GRK3: variants seen among roughly 807,000 people sequenced by gnomAD.
GRK3 encodes G protein-coupled receptor kinase 3.
In GRK3, 54 loss-of-function variants were observed where a neutral mutation model predicts 95.7. The observed-to-expected ratio is 0.56, with a 90% CI of 0.45 to 0.71. The LOEUF is 0.71. Ranked by LOEUF, GRK3 falls within the 30% of genes least tolerant of loss-of-function variation. The pLI, the probability that GRK3 is intolerant of heterozygous loss-of-function variation, is 0.00. For synonymous variants in GRK3, 281 were observed against 290.8 expected, an observed-to-expected ratio of 0.97 and a Z score of 0.34; for missense variants, 649 against 851.2, an observed-to-expected ratio of 0.76 and a Z score of 2.96.
At chr22:25,594,339 C>G (rs1283405483) in intron 1 of GRK3, among the ~76,000 whole-genome samples, 1 of 152,090 alleles carries the variant, frequency 6.6e-6, no homozygotes, top group Non-Finnish European at 1.5e-5. Context: ...GGACTCCTCC[C>G]TAACTCATTC....
At chr22:25,679,489 C>A (rs1480127869) in intron 9 of GRK3, among the ~76,000 whole-genome samples, 1 of 152,182 alleles carries the variant, frequency 6.6e-6, no homozygotes, top group East Asian at 1.9e-4. Context: ...TCATTTTTAG[C>A]TCAACATGTG....
At chr22:25,611,280 A>G (rs2084495522) in intron 2 of GRK3, among the ~76,000 whole-genome samples, 1 of 152,226 alleles carries the variant, frequency 6.6e-6, no homozygotes, top group African/African-American at 2.4e-5. Flanking sequence ...TGCTACCATA[A>G]ACATTTGTGT....
chr22:25,668,299 A>G (rs2084956232), intron 6 of GRK3, among the ~76,000 whole-genome samples: 1 of 152,240 alleles, frequency 6.6e-6, no homozygotes, highest in Non-Finnish European at 1.5e-5. Context: ...CTACTGGTCA[A>G]TTCTTCAGTT....
intron 11 of GRK3, among the ~76,000 whole-genome samples, chr22:25,689,699 A>C (rs1041286000): frequency 6.6e-6 from 1 of 152,200 alleles, no homozygotes; most frequent in Non-Finnish European, 1.5e-5. Context: ...TTAGTGTGGC[A>C]CTATGGAATA....
intron 3 of GRK3, among the ~76,000 whole-genome samples, chr22:25,659,785 G>A (rs985064197): frequency 1.8e-4 from 28 of 152,156 alleles, no homozygotes; most frequent in African/African-American, 6.8e-4. Flanking sequence ...TACCTTTTCT[G>A]TTGTCAAGTT....
chr22:25,707,350 T>G (rs2085307853), intron 15 of GRK3, among the ~76,000 whole-genome samples: 1 of 152,210 alleles, frequency 6.6e-6, no homozygotes, highest in African/African-American at 2.4e-5. Context: ...ATCACCGAAG[T>G]GTTTCCAGTA....
intron 2 of GRK3, among the ~76,000 whole-genome samples, chr22:25,610,214 A>G (rs2084486273): frequency 6.6e-6 from 1 of 152,142 alleles, no homozygotes; most frequent in African/African-American, 2.4e-5. Flanking sequence ...TGTAATCCCA[A>G]CACTTTGGAA....
chr22:25,716,920 A>G (rs2085390645), intron 18 of GRK3, among the ~76,000 whole-genome samples: 1 of 152,168 alleles, frequency 6.6e-6, no homozygotes, highest in African/African-American at 2.4e-5. Flanking sequence ...CCTATCATGA[A>G]CTGCGCACGT....
At position 25,646,206 on chromosome 22, in the gene GRK3, G is replaced by A. The variant is rs375636819; in HGVS notation, c.264+1541G>A. ...CAGGCCAGCAGGTGAGTCAGATATT[G>A]GAGTTAGCAGACAATAACTTTAAAA... On this transcript the variant is annotated intron_variant, in intron 3 of 20. Transcript: ENST00000324198. 1.4e-4 allele frequency among the ~76,000 whole-genome samples: 21 copies of A among 152,266 alleles called. No individual in the cohort carries two copies. The South Asian group carries it at 3.7e-3, about 27-fold the overall frequency.
intron 2 of GRK3, among the ~76,000 whole-genome samples, chr22:25,638,274 T>A (rs2084717777): frequency 6.6e-6 from 1 of 152,204 alleles, no homozygotes; most frequent in Non-Finnish European, 1.5e-5. Context: ...TACCATCATG[T>A]AAAGTTAACA....
rs543536037 is a variant in GRK3, at chr22:25,710,964, G to A, written c.1396-104G>A. ...AGTTTGAATGACATGCTGCGCAGTGGAGCATGCGGATATCTCGCACTGTGC... is the reference window on the plus strand; with the variant it reads ...AGTTTGAATGACATGCTGCGCAGTGAAGCATGCGGATATCTCGCACTGTGC... On this transcript the variant is annotated intron_variant, in intron 16 of 20. Coordinates refer to ENST00000324198, the MANE Select transcript of GRK3 (RefSeq NM_005160.4). The A allele has an allele frequency of 2.0e-5, 11 of 562,452 alleles. No homozygotes were observed. The East Asian group carries it at 3.2e-4, about 16-fold the overall frequency. The allele number at this position is 562,452 out of a possible 1,614,324, so 34.8% of individuals were successfully genotyped here. A position where few individuals can be genotyped will look rare whatever the true frequency, so the allele number is the denominator to read the frequency against.
chr22:25,604,459 T>A lies in GRK3; in HGVS notation c.190+6T>A. 6.3e-7 allele frequency: 1 copy of A among 1,598,706 alleles called. No homozygotes were observed. On this transcript the variant is annotated splice_donor_region_variant and intron_variant, in intron 2 of 20. Transcript: ENST00000324198. ...GATTTTCAATCAGAAAATTGGTAAG[T>A]CCTGCTTGTTCATTTGGCATACGGT...
At position 25,628,890 on chromosome 22, in the gene GRK3, C is replaced by T. The variant is rs2084645654; in HGVS notation, c.191-15702C>T. Among the ~76,000 whole-genome samples, 3 of 152,150 alleles carry T rather than the reference C, an allele frequency of 2.0e-5. No individual in the cohort carries two copies. The South Asian group carries it at 6.2e-4, about 32-fold the overall frequency. The stretch of plus-strand genomic sequence containing the variant: ...GAGAGCTGTCACATCGATTTCTTAA[C>T]AGCCGTGGCCCAGAGGTGACATACC... On this transcript the variant is annotated intron_variant, in intron 2 of 20. Transcript: ENST00000324198.
chr22:25,725,787 A>T lies in GRK3; in HGVS notation c.*3337A>T. The T allele has an allele frequency of 2.6e-6, 1 of 390,076 alleles. No individual in the cohort carries two copies. The highest frequency in any genetic ancestry group is 4.4e-5 in the Admixed American group (1 of 22,494). 24.2% of individuals were successfully genotyped at this position (390,076 alleles called of 1,614,324 possible). A position where few individuals can be genotyped will look rare whatever the true frequency, so the allele number is the denominator to read the frequency against. On this transcript the variant is annotated 3_prime_UTR_variant, in exon 21 of 21. Transcript: ENST00000324198. ...GAGTGAAACCCCGTCTCTACTAAAA[A>T]TACAAATAAAAATTAGCCGGGCGTG...
At chr22:25,651,203 A>G (rs2146390725) in intron 3 of GRK3, among the ~76,000 whole-genome samples, 1 of 152,372 alleles carries the variant, frequency 6.6e-6, no homozygotes, top group Middle Eastern at 3.4e-3. Flanking sequence ...ATAAGTGTCT[A>G]GCAAAGGAAA....
chr22:25,666,212 T>C (rs779975380), intron 5 of GRK3, among the ~76,000 whole-genome samples: 3 of 152,214 alleles, frequency 2.0e-5, no homozygotes, highest in Non-Finnish European at 4.4e-5. Flanking sequence ...TTTTACTTTA[T>C]TAGCAGAAAG....
chr22:25,673,370 G>GT (rs67291660), intron 7 of GRK3, among the ~76,000 whole-genome samples: 4 of 150,230 alleles, frequency 2.7e-5, no homozygotes, highest in East Asian at 2.0e-4. Context: ...CAGGAGTTTT[G>GT]TTTTTTTTAA....
intron 13 of GRK3, among the ~76,000 whole-genome samples, chr22:25,701,440 C>A (rs923307122): frequency 2.0e-5 from 3 of 152,210 alleles, no homozygotes; most frequent in African/African-American, 7.2e-5. Context: ...GCAGCATAGA[C>A]TTGAATAGCT....
rs1187587739 is a variant in GRK3, at chr22:25,722,357, G to A, written c.1974G>A (p.Leu658=). Residue 658 remains leucine (L), a synonymous_variant, in exon 21 of 21, where the codon TTG becomes TTA. Coordinates refer to ENST00000324198, the MANE Select transcript of GRK3 (RefSeq NM_005160.4). ...CCTTCAAGGAGGCCCAGCGGCTATT[G>A]CGTCGTGCCCCGAAGTTCCTCAACA... ...NETFKEAQRL[L]RRAPKFLNKP... is the part of the protein sequence containing the mutation. 1 of 1,614,202 alleles carries A rather than the reference G, an allele frequency of 6.2e-7. No individual in the cohort carries two copies.
Sources: gnomAD v4.1 joint callset for allele counts (sites outside exome capture counted in the v4.1 genomes callset) on GRCh38, gnomAD v4.1.1 for gene constraint, MANE v1.5 for transcripts, NCBI Gene and HGNC (gene_info 2026-07-23, HGNC 2026-07-21) for gene names.